Variants in RIMKLB observed in about 807,000 individuals in gnomAD.
RIMKLB encodes the protein ribosomal modification protein rimK like family member B.
A neutral mutation model predicts 32.0 loss-of-function variants in RIMKLB; 7 were observed. The observed-to-expected ratio is 0.22, with a 90% CI of 0.12 to 0.41. The LOEUF is 0.41. Ranked by LOEUF, RIMKLB falls within the 10% of genes least tolerant of loss-of-function variation. The pLI, the probability that RIMKLB is intolerant of heterozygous loss-of-function variation, is 1.00. For synonymous variants in RIMKLB, 172 were observed against 185.1 expected (o/e 0.93, Z 0.57); for missense variants, 289 against 498.7 (o/e 0.58, Z 4.00).
rs116532052 is a variant in RIMKLB, at chr12:8,759,547, A to G, written c.697+5454A>G. ...ATGAACGATGAGAGAATCTTTTCAT[A>G]GTTTATTTGGTCATTTGTATTTACT... On this transcript the variant is annotated intron_variant, in intron 5 of 5. Coordinates refer to ENST00000535829, the MANE Select transcript of RIMKLB (RefSeq NM_001297776.2). 5.3e-3 allele frequency among the ~76,000 whole-genome samples: 805 copies of G among 152,152 alleles called. 3 individuals are homozygous for G. Among genetic ancestry groups the G allele is most frequent in the African/African-American group, 0.018 (763 of 41,530 alleles).
At chr12:8,739,727 G>A (rs764489210) in intron 2 of RIMKLB, among the ~76,000 whole-genome samples, 18 of 151,998 alleles carry the variant, frequency 1.2e-4, no homozygotes, top group Non-Finnish European at 1.3e-4. Context: ...CTCCTGCCTC[G>A]GCCTTCCAAA....
intron 1 of RIMKLB, among the ~76,000 whole-genome samples, chr12:8,703,384 A>G (rs1020191278): frequency 6.6e-6 from 1 of 152,226 alleles, no homozygotes; most frequent in African/African-American, 2.4e-5. Context: ...GAAGTACAGT[A>G]GTATGTGATC....
intron 1 of RIMKLB, among the ~76,000 whole-genome samples, chr12:8,689,605 T>C (rs1476480771): frequency 6.6e-6 from 1 of 152,236 alleles, no homozygotes; most frequent in Non-Finnish European, 1.5e-5. Context: ...TCTTCCTCTC[T>C]GTCACGTTTC....
At chr12:8,782,394 T>TG (rs137887103) in intron 7 of RIMKLB, among the ~76,000 whole-genome samples, 10,030 of 152,210 alleles carry the variant, frequency 0.066, 427 homozygotes, top group Non-Finnish European at 0.1. Context: ...GAGACATCTT[T>TG]GTGGTTTTAT....
rs755255811 is a variant in RIMKLB at position 8,773,379 on chromosome 12, G to A, written c.756G>A (p.Val252=). 7 of 1,613,964 alleles carry A rather than the reference G, an allele frequency of 4.3e-6. No homozygotes were observed. In the South Asian group the frequency reaches 7.7e-5, roughly 18 times the overall value. The change falls in exon 6 of 6, where the codon GTG becomes GTA. Residue 252 remains valine, a synonymous_variant. Transcript: ENST00000535829. ...AAGGGAAGCAGCTAGCTATCCAGGT[G>A]TCTAATATCCTGGGGATGGATGTGT... The part of the protein sequence containing the change: ...SEQGKQLAIQ[V]SNILGMDVCG...
chr12:8,702,335 T>G (rs181860623), intron 1 of RIMKLB, among the ~76,000 whole-genome samples: 2 of 152,230 alleles, frequency 1.3e-5, no homozygotes, highest in African/African-American at 4.8e-5. Context: ...AATTTGTGAA[T>G]TGATGAGCTG....
At chr12:8,749,725 G>A (rs996900136) in intron 2 of RIMKLB, 137 bp from the exon 3 acceptor site, 4 of 596,820 alleles carry the variant, frequency 6.7e-6, no homozygotes, top group African/African-American at 5.6e-5. Flanking sequence ...TTTTTTCTTA[G>A]GAGTATCTCT....
At chr12:8,715,069 A>T (rs892761460) in intron 2 of RIMKLB, among the ~76,000 whole-genome samples, 3 of 152,184 alleles carry the variant, frequency 2.0e-5, no homozygotes, top group African/African-American at 7.2e-5. Flanking sequence ...ATGTTACCAT[A>T]GGTTGAGTAT....
chr12:8,769,285 TTTCA>T (rs1396249912), intron 5 of RIMKLB, among the ~76,000 whole-genome samples: 4 of 152,138 alleles, frequency 2.6e-5, no homozygotes, highest in Non-Finnish European at 1.5e-5. Flanking sequence ...TTTTTTTTAA[TTTCA>T]TTAATTTTTT....
intron 2 of RIMKLB, among the ~76,000 whole-genome samples, chr12:8,731,189 T>G (rs1307090730): frequency 6.6e-6 from 1 of 152,026 alleles, no homozygotes; most frequent in Non-Finnish European, 1.5e-5. Context: ...CTCTGACTCT[T>G]GGGTTCAAGT....
Position 8,774,543 on chromosome 12 carries a change from T to C in RIMKLB, c.*759T>C. On this transcript the variant is annotated 3_prime_UTR_variant, in exon 6 of 6. Transcript: ENST00000535829. ...CTTGTATTTGTTAGTGTTTTAGTCT[T>C]TTTTGAAAGATGTGCTCTGTTAATG... 1.0e-6 allele frequency: 1 copy of C among 984,396 alleles called. No individual in the cohort carries two copies. The highest frequency in any genetic ancestry group is 1.2e-6 in the Non-Finnish European group (1 of 828,712). The allele number at this position is 984,396 out of a possible 1,614,324, so 61.0% of individuals were successfully genotyped here.
chr12:8,756,809 A>G (rs1949077289), intron 5 of RIMKLB, among the ~76,000 whole-genome samples: 1 of 146,806 alleles, frequency 6.8e-6, no homozygotes, highest in Admixed American at 7.1e-5. Flanking sequence ...CTCGTGCCTC[A>G]GCCTCCTGAG....
chr12:8,709,233 T>C (rs972361939), intron 1 of RIMKLB, among the ~76,000 whole-genome samples: 5 of 152,244 alleles, frequency 3.3e-5, no homozygotes, highest in Non-Finnish European at 7.3e-5. Context: ...TGTCTGAATT[T>C]TAAGATTCTG....
intron 2 of RIMKLB, among the ~76,000 whole-genome samples, chr12:8,717,871 T>C (rs1207021466): frequency 2.0e-5 from 3 of 152,074 alleles, no homozygotes; most frequent in Admixed American, 1.3e-4. Context: ...TGTTGTTGAG[T>C]ATCTTCATCG....
At chr12:8,688,218 C>CA (rs1477012467) in intron 1 of RIMKLB, among the ~76,000 whole-genome samples, 1 of 152,140 alleles carries the variant, frequency 6.6e-6, no homozygotes, top group African/African-American at 2.4e-5. Flanking sequence ...ATCTTGCAGC[C>CA]AGAGTGCTTG....
intron 5 of RIMKLB, among the ~76,000 whole-genome samples, chr12:8,755,871 G>A (rs1478663697): frequency 6.6e-6 from 1 of 151,964 alleles, no homozygotes; most frequent in Non-Finnish European, 1.5e-5. Context: ...AAATTAGCTG[G>A]GGCCAAGCTT....
intron 1 of RIMKLB, among the ~76,000 whole-genome samples, chr12:8,709,902 C>T (rs1944219264): frequency 6.6e-6 from 1 of 151,788 alleles, no homozygotes. Context: ...TTTCAGGCAT[C>T]CACTGGGGGT....
At chr12:8,782,801 G>GT (rs1306120367) in intron 7 of RIMKLB, 4 of 151,988 alleles carry the variant, frequency 2.6e-5, no homozygotes. Flanking sequence ...AATTTAGAAT[G>GT]TTTTATTGTC....
upstream of RIMKLB, among the ~76,000 whole-genome samples, chr12:8,678,479 C>T (rs181190279): frequency 3.9e-4 from 59 of 152,002 alleles, no homozygotes; most frequent in Admixed American, 3.2e-3. Flanking sequence ...TACAGGCATG[C>T]ACCACCACGC....
Sources: gnomAD v4.1 joint callset for allele counts (sites outside exome capture counted in the v4.1 genomes callset) on GRCh38, gnomAD v4.1.1 for gene constraint, MANE v1.5 for transcripts, NCBI Gene and HGNC (gene_info 2026-07-23, HGNC 2026-07-21) for gene names.